Variants in MYCT1 observed in about 807,000 individuals in gnomAD.
MYCT1 encodes the protein MYC target 1.
In MYCT1, 12 loss-of-function variants were observed where a neutral mutation model predicts 15.0. That is an observed-to-expected ratio of 0.80 (90% confidence interval 0.51 to 1.29). The LOEUF (loss-of-function observed/expected upper bound fraction) is 1.29. Ranked by LOEUF, MYCT1 falls within the 50% of genes most tolerant of loss-of-function variation. The probability of loss-of-function intolerance (pLI) is 0.00; values close to 1 mark genes in which losing one functional copy is unlikely to be tolerated. For synonymous variants in MYCT1, 104 were observed against 102.7 expected (o/e 1.01, Z -0.07); for missense variants, 287 against 279.1 (o/e 1.03, Z -0.20).
At chr6:152,744,940 G>A in the MYCT1 span, among the ~76,000 whole-genome samples, 1 of 152,160 alleles carries the variant, frequency 6.6e-6, no homozygotes, top group East Asian at 1.9e-4. Flanking sequence ...GAAAGAAACA[G>A]GTTTAGCTTT....
chr6:152,713,918 C>G (rs1456644101), intron 1 of MYCT1, among the ~76,000 whole-genome samples: 1 of 152,104 alleles, frequency 6.6e-6, no homozygotes, highest in Non-Finnish European at 1.5e-5. Context: ...TTGACTAGTA[C>G]TTGCTGTTCT....
the MYCT1 span, among the ~76,000 whole-genome samples, chr6:152,744,294 C>T: frequency 6.6e-6 from 1 of 152,192 alleles, no homozygotes; most frequent in East Asian, 1.9e-4. Flanking sequence ...CAAGTTCCCA[C>T]ATTGATTATT....
intron 1 of MYCT1, among the ~76,000 whole-genome samples, chr6:152,703,700 G>GAC: frequency 6.6e-6 from 1 of 152,106 alleles, no homozygotes; most frequent in African/African-American, 2.4e-5. Context: ...GTAGAATTTT[G>GAC]ACACACACAC....
Position 152,697,994 on chromosome 6 carries a change from T to C in MYCT1, c.92T>C (p.Ile31Thr). The change falls in exon 1 of 2, where the codon ATA (isoleucine) becomes ACA (threonine). Residue 31 changes from isoleucine to threonine, a missense_variant. Coordinates refer to ENST00000367245, the MANE Select transcript of MYCT1 (RefSeq NM_025107.3). ...AGAATCAAACTGCTTTTTTTCGACA[T>C]ACTGGTTTTTCTTTCTGTTTTTCTT... Reference protein sequence around the residue: ...RDRIKLLFFDILVFLSVFLLF... With the variant: ...RDRIKLLFFDTLVFLSVFLLF... The C allele has an allele frequency of 6.2e-7, 1 of 1,609,202 alleles. No individual in the cohort carries two copies. Among genetic ancestry groups the C allele is most frequent in the African/African-American group, 1.3e-5 (1 of 74,734 alleles).
intron 1 of MYCT1, among the ~76,000 whole-genome samples, chr6:152,720,616 G>A (rs1237464853): frequency 1.3e-5 from 2 of 152,198 alleles, no homozygotes; most frequent in Admixed American, 6.5e-5. Flanking sequence ...CTTGAAGAAT[G>A]AGTTTTCCAG....
chr6:152,720,414 T>C (rs1292081311), intron 1 of MYCT1, among the ~76,000 whole-genome samples: 1 of 152,046 alleles, frequency 6.6e-6, no homozygotes, highest in Non-Finnish European at 1.5e-5. Flanking sequence ...GCAAAACGTT[T>C]GTGGCTATTT....
At chr6:152,741,206 A>G in the MYCT1 span, among the ~76,000 whole-genome samples, 5 of 152,138 alleles carry the variant, frequency 3.3e-5, no homozygotes, top group Non-Finnish European at 5.9e-5. Context: ...ACTCTTAAAC[A>G]GTCTAAATAG....
chr6:152,733,927 G>T, the MYCT1 span, among the ~76,000 whole-genome samples: 1 of 152,020 alleles, frequency 6.6e-6, no homozygotes, highest in African/African-American at 2.4e-5. Context: ...CAGAAAAAAT[G>T]TTCAGAAGAC....
intron 1 of MYCT1, among the ~76,000 whole-genome samples, chr6:152,702,073 C>A (rs2099721417): frequency 6.6e-6 from 1 of 152,068 alleles, no homozygotes. Context: ...CTGGGATTCC[C>A]TAATCAATCT....
chr6:152,716,248 AATT>A (rs2099723662), intron 1 of MYCT1, among the ~76,000 whole-genome samples: 1 of 152,140 alleles, frequency 6.6e-6, no homozygotes, highest in Non-Finnish European at 1.5e-5. Flanking sequence ...CGGCTGTTTA[AATT>A]ATTATAATCA....
chr6:152,708,928 AT>A lies in MYCT1; in HGVS notation c.196+10831del, dbSNP rs1434366072. 2.0e-4 allele frequency among the ~76,000 whole-genome samples: 12 copies of A among 59,130 alleles called. 4 individuals are homozygous for A. Among genetic ancestry groups the A allele is most frequent in the Non-Finnish European group, 4.3e-4 (11 of 25,798 alleles). 38.8% of individuals were successfully genotyped at this position (59,130 alleles called of 152,430 possible). On this transcript the variant is annotated intron_variant, in intron 1 of 1. Transcript: ENST00000367245. Reference sequence around the variant, plus strand: ...CATTGTGCAGGTTAGTTACATATGTATACATGTGCCATGCTGGTGCGCTGCA... The same window carrying A: ...CATTGTGCAGGTTAGTTACATATGTAACATGTGCCATGCTGGTGCGCTGCA...
chr6:152,731,396 G>A, the MYCT1 span, among the ~76,000 whole-genome samples: 8 of 152,180 alleles, frequency 5.3e-5, no homozygotes, highest in African/African-American at 1.4e-4. Flanking sequence ...TATACTTTAA[G>A]TTCTAGGGTA....
At chr6:152,741,170 G>A in the MYCT1 span, among the ~76,000 whole-genome samples, 6 of 152,012 alleles carry the variant, frequency 3.9e-5, no homozygotes, top group East Asian at 1.9e-4. Flanking sequence ...TTTTGACATC[G>A]AATATGCCCA....
chr6:152,722,096 TGG>T lies in MYCT1; in HGVS notation c.552_553del (p.Val185AspfsTer21). The T allele has an allele frequency of 6.2e-7, 1 of 1,614,068 alleles. No homozygotes were observed. Among genetic ancestry groups the T allele is most frequent in the Non-Finnish European group, 8.5e-7 (1 of 1,179,954 alleles). ...CTTCCTGTGGAAACTGAGAGTCAGCTGGTGACTCTCCCTTCTTCCAATATCTC... is the reference window on the plus strand; with the variant it reads ...CTTCCTGTGGAAACTGAGAGTCAGCTTGACTCTCCCTTCTTCCAATATCTC... On this transcript the variant is annotated frameshift_variant, in exon 2 of 2. Coordinates refer to ENST00000367245, the MANE Select transcript of MYCT1 (RefSeq NM_025107.3). LOFTEE classifies it low-confidence loss of function (END_TRUNC).
At chr6:152,705,142 GTAAGT>G (rs1427383992) in intron 1 of MYCT1, among the ~76,000 whole-genome samples, 1 of 152,134 alleles carries the variant, frequency 6.6e-6, no homozygotes, top group East Asian at 1.9e-4. Flanking sequence ...CAAACTCCTT[GTAAGT>G]TGAAAATATC....
intron 1 of MYCT1, among the ~76,000 whole-genome samples, chr6:152,712,997 T>A (rs2099723018): frequency 6.6e-6 from 1 of 152,048 alleles, no homozygotes; most frequent in South Asian, 2.1e-4. Flanking sequence ...TGTTTTTAGC[T>A]CCATCCACCC....
chr6:152,746,346 C>A, the MYCT1 span, among the ~76,000 whole-genome samples: 706 of 152,338 alleles, frequency 4.6e-3, 3 homozygotes, highest in African/African-American at 0.016. Context: ...GGCTAAGTGA[C>A]TACCTGGGAG....
intron 1 of MYCT1, among the ~76,000 whole-genome samples, chr6:152,704,280 G>A (rs2099721881): frequency 6.6e-6 from 1 of 152,134 alleles, no homozygotes; most frequent in South Asian, 2.1e-4. Flanking sequence ...GGGATTACAG[G>A]CCTGAGCCAC....
intron 1 of MYCT1, among the ~76,000 whole-genome samples, chr6:152,703,903 C>A (rs1272275668): frequency 3.3e-5 from 5 of 151,244 alleles, no homozygotes; most frequent in Admixed American, 1.3e-4. Context: ...TGATATCCAG[C>A]TTTTTCTGCA....
Sources: gnomAD v4.1 joint callset for allele counts (sites outside exome capture counted in the v4.1 genomes callset) on GRCh38, gnomAD v4.1.1 for gene constraint, MANE v1.5 for transcripts, NCBI Gene and HGNC (gene_info 2026-07-23, HGNC 2026-07-21) for gene names.